DST: variants seen among roughly 807,000 people sequenced by gnomAD.
The protein encoded by DST is bullous pemphigoid antigen.
A neutral mutation model predicts 875.2 loss-of-function variants in DST; 253 were observed. The observed-to-expected ratio is 0.29, with a 90% CI of 0.26 to 0.32. The LOEUF (loss-of-function observed/expected upper bound fraction) is 0.32, where lower values mean the gene tolerates loss of function less well. DST is among the 10% of genes least tolerant of loss of function. DST has a pLI of 1.00. For missense variants in DST, 8,287 were observed against 9,111.6 expected (o/e 0.91, Z 3.68); for synonymous variants, 3,124 against 3,197.1 (o/e 0.98, Z 0.77).
At position 56,607,076 on chromosome 6, in the gene DST, G is replaced by A. The variant is rs747767227; in HGVS notation, c.7552C>T (p.Gln2518Ter). 1 of 1,613,086 alleles carries A rather than the reference G, an allele frequency of 6.2e-7. No individual in the cohort carries two copies. Among genetic ancestry groups the A allele is most frequent in the South Asian group, 1.1e-5 (1 of 91,058 alleles). ...TATTTATCATTGTGATATTGTACTT[G>A]AGGATTACTAGAAATCATATTTAAA... ...KSLNMISSNPQVQYHNDKYIS... is the reference protein window; with the variant it reads ...KSLNMISSNP Residue 2518 changes from glutamine to a stop codon, truncating the protein, a stop_gained, in exon 40 of 104, where the codon CAA (glutamine) becomes TAA (stop). Transcript: ENST00000680361. LOFTEE classifies it high-confidence loss of function.
At chr6:56,875,328 T>G (rs1196513907) in intron 3 of DST, among the ~76,000 whole-genome samples, 2 of 152,216 alleles carry the variant, frequency 1.3e-5, no homozygotes, top group Non-Finnish European at 2.9e-5. Flanking sequence ...GAGCCACTCT[T>G]TTACAGGTCT....
intron 43 of DST, chr6:56,602,079 G>A (rs898521263): frequency 2.9e-6 from 1 of 346,716 alleles, no homozygotes; most frequent in Non-Finnish European, 5.5e-6. Context: ...AATACTTTGA[G>A]GGATTTGAAA....
Position 56,462,123 on chromosome 6 carries a change from C to T in DST, c.23070+923G>A, listed in dbSNP as rs187026021. On this transcript the variant is annotated intron_variant, in intron 102 of 103. Transcript: ENST00000680361. Reference sequence around the variant, plus strand: ...TTTGAGGATCCTGGCCTTTAAGTTACGTCCTTTATCATTAAGGTGAAATAC... The same window carrying T: ...TTTGAGGATCCTGGCCTTTAAGTTATGTCCTTTATCATTAAGGTGAAATAC... 2.1e-3 allele frequency: 320 copies of T among 152,288 alleles called. 1 individual carries two copies. The highest frequency in any genetic ancestry group is 6.9e-3 in the African/African-American group (287 of 41,562). 9.4% of individuals were successfully genotyped at this position (152,288 alleles called of 1,614,324 possible).
intron 9 of DST, among the ~76,000 whole-genome samples, chr6:56,696,558 G>T (rs2099265082): frequency 6.6e-6 from 1 of 152,040 alleles, no homozygotes; most frequent in African/African-American, 2.4e-5. Context: ...ACTCCTTTTT[G>T]AAGACTTTTG....
intron 4 of DST, among the ~76,000 whole-genome samples, chr6:56,737,006 C>T (rs1290965474): frequency 1.8e-5 from 2 of 111,168 alleles, no homozygotes; most frequent in Non-Finnish European, 3.7e-5. Context: ...AAATCCGGGG[C>T]AACATGATGA....
intron 3 of DST, among the ~76,000 whole-genome samples, chr6:56,874,454 T>C (rs1011988834): frequency 1.3e-5 from 2 of 152,234 alleles, no homozygotes; most frequent in African/African-American, 4.8e-5. Flanking sequence ...TTCATCCCTC[T>C]TATCACCACC....
intron 5 of DST, among the ~76,000 whole-genome samples, chr6:56,711,329 T>TA (rs1481876930): frequency 4.6e-5 from 7 of 152,248 alleles, no homozygotes; most frequent in Non-Finnish European, 8.8e-5. Flanking sequence ...GTAACCTTTT[T>TA]AAAAGGCTAT....
At chr6:56,537,286 G>C (rs975570272) in intron 61 of DST, among the ~76,000 whole-genome samples, 19 of 152,140 alleles carry the variant, frequency 1.2e-4, no homozygotes, top group Admixed American at 3.9e-4. Flanking sequence ...TGTAGCAAAA[G>C]ATTTACAGAA....
At chr6:56,508,467 G>A (rs2096394066) in intron 75 of DST, 62 bp downstream of exon 75, 2 of 1,324,702 alleles carry the variant, frequency 1.5e-6, no homozygotes, top group African/African-American at 2.9e-5. Context: ...TTTACCCAAG[G>A]AATCTGGATT....
At chr6:56,810,282 C>T (rs940659507) in intron 4 of DST, among the ~76,000 whole-genome samples, 6 of 152,140 alleles carry the variant, frequency 3.9e-5, no homozygotes, top group African/African-American at 1.4e-4. Context: ...TGCATTCCAG[C>T]TTGGGTGATA....
At chr6:56,728,680 A>C (rs1257005939) in intron 5 of DST, among the ~76,000 whole-genome samples, 1 of 152,128 alleles carries the variant, frequency 6.6e-6, no homozygotes. Flanking sequence ...TGTCTCAAAA[A>C]AAATAATTAA....
chr6:56,945,619 T>C (rs534709219), intron 2 of DST: 18 of 152,224 alleles, frequency 1.2e-4, no homozygotes, highest in Admixed American at 4.6e-4. Context: ...TAGGCAGATT[T>C]CAGAGTAACC....
chr6:56,842,287 G>A (rs1049197326), intron 4 of DST, among the ~76,000 whole-genome samples: 4 of 152,098 alleles, frequency 2.6e-5, no homozygotes, highest in Non-Finnish European at 4.4e-5. Flanking sequence ...AGTTCGGAGT[G>A]TTTTGGGAGC....
chr6:56,709,129 A>G (rs2099352385), intron 5 of DST, among the ~76,000 whole-genome samples: 1 of 152,214 alleles, frequency 6.6e-6, no homozygotes, highest in South Asian at 2.1e-4. Context: ...TGTATTTCAC[A>G]CAATTCTCGT....
chr6:56,590,818 CT>C (rs1364385232), intron 49 of DST, among the ~76,000 whole-genome samples: 4 of 152,194 alleles, frequency 2.6e-5, no homozygotes, highest in Non-Finnish European at 5.9e-5. Flanking sequence ...TGCTCTCATC[CT>C]ATGCTTCCCA....
chr6:56,665,332 T>C (rs941702004), intron 10 of DST, among the ~76,000 whole-genome samples: 12 of 152,198 alleles, frequency 7.9e-5, no homozygotes, highest in African/African-American at 2.9e-4. Context: ...AAACCCTCAT[T>C]AATTTCTTAC....
Position 56,552,986 on chromosome 6 carries a change from T to A in DST, c.15806A>T (p.Glu5269Val), listed in dbSNP as rs1480747350. Residue 5269 changes from glutamate (E) to valine (V), a missense_variant, in exon 61 of 104, where the codon GAG becomes GTG. This residue lies in a region of DST where 1,513 missense variants were observed against 1,677.8 expected (regional missense o/e 0.90). Transcript: ENST00000680361. ...EQLHSKKFCLENMTQKFKEFQ... is the reference protein window; with the variant it reads ...EQLHSKKFCLVNMTQKFKEFQ... ...TTCTTTAAACTTCTGAGTCATGTTCTCCAGACAGAATTTCTTACTGTGAAG... is the reference window on the plus strand; with the variant it reads ...TTCTTTAAACTTCTGAGTCATGTTCACCAGACAGAATTTCTTACTGTGAAG... The A allele has an allele frequency of 3.1e-6, 5 of 1,614,002 alleles. No individual in the cohort carries two copies.
chr6:56,942,595 C>T (rs1817175725), intron 2 of DST, among the ~76,000 whole-genome samples: 1 of 151,690 alleles, frequency 6.6e-6, no homozygotes, highest in Admixed American at 6.6e-5. Context: ...AATTCCATTA[C>T]TCCCCTGCCA....
chr6:56,532,182 G>C (rs1254087856), intron 64 of DST, among the ~76,000 whole-genome samples, 162 bp downstream of exon 64: 3 of 152,196 alleles, frequency 2.0e-5, no homozygotes, highest in Admixed American at 6.5e-5. Context: ...ATTACCATTA[G>C]AGGAATGAGG....
Sources: allele counts gnomAD v4.1 joint callset (sites outside exome capture counted in the v4.1 genomes callset), GRCh38; gene constraint gnomAD v4.1.1; regional missense constraint gnomAD v4.1.1; transcripts MANE v1.5; gene names NCBI Gene and HGNC (gene_info 2026-07-23, HGNC 2026-07-21).